Variants in DMXL2 observed in about 807,000 individuals in gnomAD.
DMXL2 encodes Dmx like 2.
In DMXL2, 103 loss-of-function variants were observed where a neutral mutation model predicts 331.1. The ratio of observed to expected loss-of-function variants is 0.31; its 90% CI spans 0.27 to 0.37. DMXL2 has a LOEUF of 0.37. DMXL2 is among the 10% of genes least tolerant of loss of function. The pLI is 1.00. For synonymous variants in DMXL2, 1,281 were observed against 1,252.1 expected (o/e 1.02, Z -0.49); for missense variants, 3,171 against 3,642.9 (o/e 0.87, Z 3.33).
At chr15:51,507,038 A>C in intron 16 of DMXL2, 96 bp downstream of exon 16, 2 of 985,774 alleles carry the variant, frequency 2.0e-6, no homozygotes, top group South Asian at 6.0e-5. Flanking sequence ...TTTACAGTTT[A>C]ATGGAACTTC....
At chr15:51,453,697 A>G (rs561674212) in intron 40 of DMXL2, 56 bp from the exon 41 acceptor site, 1 of 1,409,018 alleles carries the variant, frequency 7.1e-7, no homozygotes. Context: ...AATTTGATAC[A>G]GTACCAACAT....
chr15:51,485,246 G>T (rs1335489160), intron 23 of DMXL2, among the ~76,000 whole-genome samples: 1 of 152,140 alleles, frequency 6.6e-6, no homozygotes, highest in Non-Finnish European at 1.5e-5. Context: ...TAGGTCCAGG[G>T]TGTTCAAATA....
chr15:51,504,735 G>A (rs537137663), intron 16 of DMXL2, among the ~76,000 whole-genome samples: 58 of 152,230 alleles, frequency 3.8e-4, no homozygotes, highest in African/African-American at 1.4e-3. Flanking sequence ...ACTTGGATCC[G>A]TAGTCAGAAG....
chr15:51,542,573 C>A, intron 8 of DMXL2, 66 bp from the exon 9 acceptor site: 1 of 1,246,584 alleles, frequency 8.0e-7, no homozygotes, highest in South Asian at 1.6e-5. Flanking sequence ...CCAAAGTACT[C>A]TTAATTATTA....
rs115789932 is a variant in DMXL2 at position 51,565,605 on chromosome 15, G to T, written c.286-439C>A. On this transcript the variant is annotated intron_variant, in intron 3 of 43. Coordinates refer to ENST00000560891, the MANE Select transcript of DMXL2 (RefSeq NM_001378457.1). ...CACTGATCACATGGAATTAGTATTG[G>T]TCTATACATCTGACTCTCCTCCCAC... Among the ~76,000 whole-genome samples, 949 of 152,240 alleles carry T rather than the reference G, an allele frequency of 6.2e-3. 8 individuals are homozygous for T. The highest frequency in any genetic ancestry group is 0.022 in the African/African-American group (911 of 41,538).
intron 13 of DMXL2, among the ~76,000 whole-genome samples, chr15:51,525,071 T>A (rs2047592190): frequency 6.6e-6 from 1 of 151,734 alleles, no homozygotes; most frequent in African/African-American, 2.4e-5. Context: ...TACAGCAGGA[T>A]AAGACACCAG....
At chr15:51,590,565 T>A (rs1224029684) in intron 1 of DMXL2, among the ~76,000 whole-genome samples, 1 of 150,926 alleles carries the variant, frequency 6.6e-6, no homozygotes, top group Admixed American at 6.6e-5. Context: ...AGTTCCATTT[T>A]AATTTTTTTT....
At chr15:51,621,263 G>C (rs933280712) in intron 1 of DMXL2, among the ~76,000 whole-genome samples, 4 of 152,212 alleles carry the variant, frequency 2.6e-5, no homozygotes, top group Admixed American at 1.3e-4. Context: ...ATCTTCTGGG[G>C]TTAATGTATC....
At chr15:51,472,864 G>C (rs533533868) in intron 28 of DMXL2, among the ~76,000 whole-genome samples, 62 of 152,232 alleles carry the variant, frequency 4.1e-4, no homozygotes, top group African/African-American at 1.3e-3. Context: ...TCTCCACAAA[G>C]CAGCTAGAGC....
chr15:51,465,902 C>T (rs2040526054), intron 30 of DMXL2, among the ~76,000 whole-genome samples: 1 of 152,068 alleles, frequency 6.6e-6, no homozygotes, highest in Non-Finnish European at 1.5e-5. Context: ...TAATAGTATA[C>T]CAATAATTTA....
At chr15:51,490,465 T>C (rs991118955) in intron 20 of DMXL2, among the ~76,000 whole-genome samples, 15 of 152,232 alleles carry the variant, frequency 9.9e-5, no homozygotes, top group Admixed American at 2.0e-4. Flanking sequence ...GTACCACTGA[T>C]TGTACTCCAG....
chr15:51,533,921 A>G (rs2048142312), intron 13 of DMXL2, among the ~76,000 whole-genome samples: 1 of 152,216 alleles, frequency 6.6e-6, no homozygotes, highest in Admixed American at 6.5e-5. Flanking sequence ...AAGCAAAAAC[A>G]AATACATTAA....
chr15:51,489,158 G>A (rs1236505994), intron 20 of DMXL2, among the ~76,000 whole-genome samples: 1 of 152,112 alleles, frequency 6.6e-6, no homozygotes, highest in Admixed American at 6.5e-5. Context: ...CAATCATACT[G>A]TCTTAAACAT....
chr15:51,456,002 C>CACTT (rs2039585975), intron 39 of DMXL2, 64 bp downstream of exon 39: 1 of 1,576,858 alleles, frequency 6.3e-7, no homozygotes, highest in Non-Finnish European at 8.7e-7. Context: ...GCACTTTTAT[C>CACTT]ACTTACTCCT....
rs1396758788 is a variant in DMXL2, at chr15:51,540,636, A to T, written c.1105+1697T>A. Among the ~76,000 whole-genome samples the T allele has an allele frequency of 1.3e-4, 20 of 152,236 alleles. 1 individual carries two copies. Among genetic ancestry groups the T allele is most frequent in the Admixed American group, 9.8e-4 (15 of 15,292 alleles). ...TTCAACTTTCTTGTAGTTTCAAAAA[A>T]TTTTTTGAAAAAAAAGTGAAGAGGA... On this transcript the variant is annotated intron_variant, in intron 9 of 43. Transcript: ENST00000560891.
Position 51,455,248 on chromosome 15 carries a change from A to C in DMXL2, c.8527-20T>G. The C allele has an allele frequency of 6.3e-7, 1 of 1,595,176 alleles. No homozygotes were observed. The highest frequency in any genetic ancestry group is 8.6e-7 in the Non-Finnish European group (1 of 1,162,754). On this transcript the variant is annotated intron_variant, in intron 39 of 43. Coordinates refer to ENST00000560891, the MANE Select transcript of DMXL2 (RefSeq NM_001378457.1). ...ACCACACTGTAAGAACAGTATAACTACTAAACACATGTTCTTAGCATCCAC... is the reference window on the plus strand; with the variant it reads ...ACCACACTGTAAGAACAGTATAACTCCTAAACACATGTTCTTAGCATCCAC...
In DMXL2 at chr15:51,448,569, C is replaced by T; in HGVS notation, c.*415G>A. The T allele has an allele frequency of 4.3e-6, 1 of 230,786 alleles. No homozygotes were observed. The highest frequency in any genetic ancestry group is 8.7e-6 in the Non-Finnish European group (1 of 115,156). 14.3% of individuals were successfully genotyped at this position (230,786 alleles called of 1,614,324 possible). Reference sequence around the variant, plus strand: ...CTCCTAACAAACACCTTATGATTATCCTTCATTCAACAGAGGAGGAGACTG... The same window carrying T: ...CTCCTAACAAACACCTTATGATTATTCTTCATTCAACAGAGGAGGAGACTG... On this transcript the variant is annotated 3_prime_UTR_variant, in exon 44 of 44. Coordinates refer to ENST00000560891, the MANE Select transcript of DMXL2 (RefSeq NM_001378457.1).
intron 15 of DMXL2, among the ~76,000 whole-genome samples, chr15:51,510,037 C>T (rs934572755): frequency 5.9e-5 from 9 of 152,026 alleles, no homozygotes; most frequent in South Asian, 4.1e-4. Context: ...CAATAAACTA[C>T]GTATTAATGA....
chr15:51,509,019 G>T (rs1301653683), intron 15 of DMXL2, among the ~76,000 whole-genome samples: 1 of 152,076 alleles, frequency 6.6e-6, no homozygotes, highest in African/African-American at 2.4e-5. Flanking sequence ...ATGACTAAAA[G>T]TGAGATATCC....
Sources: allele counts gnomAD v4.1 joint callset (sites outside exome capture counted in the v4.1 genomes callset), GRCh38; gene constraint gnomAD v4.1.1; transcripts MANE v1.5; gene names NCBI Gene and HGNC (gene_info 2026-07-23, HGNC 2026-07-21).